The following ZSWIM6 variants were observed in gnomAD, a reference collection of about 807,000 sequenced individuals.
ZSWIM6 encodes the protein zinc finger SWIM domain-containing protein 6.
Under a neutral mutation model 113.2 loss-of-function variants are expected in ZSWIM6, and 9 were observed. The observed-to-expected ratio is 0.08, with a 90% CI of 0.05 to 0.14. The LOEUF (loss-of-function observed/expected upper bound fraction) is 0.14. ZSWIM6 is among the 10% of genes least tolerant of loss of function. ZSWIM6 has a pLI of 1.00. For missense variants in ZSWIM6, 1,162 were observed against 1,552.2 expected (o/e 0.75, Z 4.22); for synonymous variants, 611 against 606.5 (o/e 1.01, Z -0.11).
At chr5:61,527,545 C>T (rs1268321851) in intron 7 of ZSWIM6, among the ~76,000 whole-genome samples, 2 of 152,144 alleles carry the variant, frequency 1.3e-5, no homozygotes, top group East Asian at 3.9e-4. Context: ...CCCCGATTGT[C>T]GTGACTTTGT....
chr5:61,364,096 A>G (rs1177527918), intron 1 of ZSWIM6, among the ~76,000 whole-genome samples: 1 of 150,492 alleles, frequency 6.6e-6, no homozygotes, highest in African/African-American at 2.5e-5. Flanking sequence ...CCAGGTTGAA[A>G]TGCAGTGGCA....
chr5:61,495,261 G>A (rs1454542906), intron 4 of ZSWIM6, among the ~76,000 whole-genome samples: 1 of 152,076 alleles, frequency 6.6e-6, no homozygotes, highest in Non-Finnish European at 1.5e-5. Context: ...AAACGATGCT[G>A]TTGTCCGTGA....
At chr5:61,520,496 G>T (rs767404512) in intron 4 of ZSWIM6, among the ~76,000 whole-genome samples, 8 of 152,052 alleles carry the variant, frequency 5.3e-5, no homozygotes, top group African/African-American at 1.7e-4. Flanking sequence ...GGGAAATTTT[G>T]ATTATGGTTT....
intron 4 of ZSWIM6, 112 bp downstream of exon 4, chr5:61,494,522 G>A: frequency 7.4e-7 from 1 of 1,354,618 alleles, no homozygotes; most frequent in Non-Finnish European, 1.0e-6. Flanking sequence ...GCTCATGCAT[G>A]GAACGTGTTG....
intron 1 of ZSWIM6, among the ~76,000 whole-genome samples, chr5:61,412,736 T>C (rs1165049944): frequency 6.6e-6 from 1 of 152,232 alleles, no homozygotes; most frequent in East Asian, 1.9e-4. Context: ...AGTGTCCATC[T>C]TGAATATTAA....
chr5:61,514,634 T>C (rs946253895), intron 4 of ZSWIM6, among the ~76,000 whole-genome samples: 1 of 152,192 alleles, frequency 6.6e-6, no homozygotes, highest in Non-Finnish European at 1.5e-5. Flanking sequence ...GAGATTATTA[T>C]ATGGTTTTTC....
intron 1 of ZSWIM6, among the ~76,000 whole-genome samples, chr5:61,334,772 T>C (rs989965784): frequency 2.0e-5 from 3 of 151,502 alleles, no homozygotes; most frequent in African/African-American, 7.3e-5. Context: ...TAGTTATACC[T>C]TTTTTTTTGT....
intron 1 of ZSWIM6, among the ~76,000 whole-genome samples, chr5:61,454,360 ATCC>A (rs975759744): frequency 2.0e-5 from 3 of 151,740 alleles, no homozygotes; most frequent in Non-Finnish European, 4.4e-5. Flanking sequence ...GGCTCAAGCT[ATCC>A]TCCTGCTTCA....
chr5:61,457,153 G>A (rs903065573), intron 1 of ZSWIM6, among the ~76,000 whole-genome samples: 43 of 152,046 alleles, frequency 2.8e-4, no homozygotes, highest in Non-Finnish European at 5.1e-4. Context: ...AGAATATGCG[G>A]TGTTTGTAAA....
intron 1 of ZSWIM6, among the ~76,000 whole-genome samples, chr5:61,379,198 A>G (rs1157709198): frequency 6.6e-6 from 1 of 151,370 alleles, no homozygotes; most frequent in Non-Finnish European, 1.5e-5. Flanking sequence ...AAAAAAAAAA[A>G]AAAAAAAAAA....
At chr5:61,452,094 A>G (rs1338725947) in intron 1 of ZSWIM6, among the ~76,000 whole-genome samples, 1 of 151,932 alleles carries the variant, frequency 6.6e-6, no homozygotes, top group Non-Finnish European at 1.5e-5. Flanking sequence ...TTTCCCACCC[A>G]CTGCAGAAAT....
chr5:61,406,506 A>C (rs1027164897), intron 1 of ZSWIM6, among the ~76,000 whole-genome samples: 3 of 152,088 alleles, frequency 2.0e-5, no homozygotes, highest in African/African-American at 4.8e-5. Flanking sequence ...GTCTACAGTC[A>C]GTATCAAAAT....
intron 9 of ZSWIM6, among the ~76,000 whole-genome samples, chr5:61,534,605 T>C (rs531804672): frequency 6.6e-6 from 1 of 152,302 alleles, no homozygotes; most frequent in African/African-American, 2.4e-5. Context: ...TTAAAAACTT[T>C]ACAGTAACTA....
intron 1 of ZSWIM6, among the ~76,000 whole-genome samples, chr5:61,340,275 T>A (rs971142495): frequency 1.3e-5 from 2 of 152,244 alleles, no homozygotes; most frequent in African/African-American, 4.8e-5. Context: ...TGCTTGAGTA[T>A]GCTAAATGTT....
rs533486564 is a variant in ZSWIM6, at chr5:61,400,154, A to T, written c.676+67206A>T. 6.0e-4 allele frequency among the ~76,000 whole-genome samples: 91 copies of T among 152,274 alleles called. No homozygotes were observed. The Middle Eastern group carries it at 0.01, about 17-fold the overall frequency. On this transcript the variant is annotated intron_variant, in intron 1 of 13. Coordinates refer to ENST00000252744, the MANE Select transcript of ZSWIM6 (RefSeq NM_020928.2). Reference sequence around the variant, plus strand: ...GTTGGTTTTCAAGGTAGTTTTGAGCAACTTAATATTAGGTAGCTTTTCATA... The same window carrying T: ...GTTGGTTTTCAAGGTAGTTTTGAGCTACTTAATATTAGGTAGCTTTTCATA...
intron 1 of ZSWIM6, among the ~76,000 whole-genome samples, chr5:61,426,997 CT>C (rs750751409): frequency 2.6e-5 from 4 of 152,070 alleles, no homozygotes; most frequent in Non-Finnish European, 5.9e-5. Context: ...TGTAGTTACT[CT>C]TTTTTCTCTT....
At chr5:61,421,977 T>C (rs1746364668) in intron 1 of ZSWIM6, among the ~76,000 whole-genome samples, 1 of 152,196 alleles carries the variant, frequency 6.6e-6, no homozygotes, top group Non-Finnish European at 1.5e-5. Flanking sequence ...GTCAGGTGGG[T>C]AGTTTGCAAA....
Position 61,345,627 on chromosome 5 carries a change from A to G in ZSWIM6, c.676+12679A>G, listed in dbSNP as rs941360162. Among the ~76,000 whole-genome samples, 58 of 152,220 alleles carry G rather than the reference A, an allele frequency of 3.8e-4. 1 individual carries two copies. Among genetic ancestry groups the G allele is most frequent in the Non-Finnish European group, 2.6e-4 (18 of 68,032 alleles). On this transcript the variant is annotated intron_variant, in intron 1 of 13. Coordinates refer to ENST00000252744, the MANE Select transcript of ZSWIM6 (RefSeq NM_020928.2). ...TGTTGTACCATGAGCTACACTGAAT[A>G]CAAATGGAAACGCTGATGATTATTT...
intron 7 of ZSWIM6, among the ~76,000 whole-genome samples, chr5:61,528,279 ATTTGATTTATT>A (rs1353656714): frequency 1.3e-5 from 2 of 151,860 alleles, no homozygotes; most frequent in Admixed American, 6.6e-5. Context: ...AAACAGATTT[ATTTGATTTATT>A]TTTGATTTCT....
Sources: allele counts gnomAD v4.1 joint callset (sites outside exome capture counted in the v4.1 genomes callset), GRCh38; gene constraint gnomAD v4.1.1; transcripts MANE v1.5; gene names NCBI Gene and HGNC (gene_info 2026-07-23, HGNC 2026-07-21).